The following FAM110B variants were observed in gnomAD, a reference collection of about 807,000 sequenced individuals.
The protein encoded by FAM110B is protein FAM110B.
In FAM110B, 6 loss-of-function variants were observed where a neutral mutation model predicts 20.4. That is an observed-to-expected ratio of 0.29 (90% CI 0.16 to 0.58). The LOEUF (loss-of-function observed/expected upper bound fraction) is 0.58, where lower values mean the gene tolerates loss of function less well. FAM110B is among the 20% of genes least tolerant of loss of function. FAM110B has a pLI of 0.90. For missense variants in FAM110B, 434 were observed against 498.2 expected (o/e 0.87, Z 1.23); for synonymous variants, 226 against 214.1 (o/e 1.06, Z -0.49).
At chr8:58,011,550 A>G (rs1804534255) in intron 1 of FAM110B, among the ~76,000 whole-genome samples, 1 of 152,112 alleles carries the variant, frequency 6.6e-6, no homozygotes, top group Admixed American at 6.5e-5. Context: ...ATGTTTACCC[A>G]CTGTGCACGC....
intron 2 of FAM110B, among the ~76,000 whole-genome samples, chr8:58,060,142 C>T (rs1317525915): frequency 1.3e-5 from 2 of 152,076 alleles, no homozygotes; most frequent in African/African-American, 2.4e-5. Flanking sequence ...CTTTATGGAA[C>T]AATTGAGCTG....
intron 2 of FAM110B, among the ~76,000 whole-genome samples, chr8:58,048,925 G>A (rs894227951): frequency 6.6e-6 from 1 of 152,164 alleles, no homozygotes; most frequent in Non-Finnish European, 1.5e-5. Flanking sequence ...AATAAGAAAT[G>A]GATTATCGTG....
chr8:58,097,686 C>T (rs148340102), intron 3 of FAM110B, among the ~76,000 whole-genome samples: 1,754 of 152,288 alleles, frequency 0.012, 19 homozygotes, highest in South Asian at 0.061. Context: ...ATGGATTTAT[C>T]TACCTTTGGT....
Position 57,994,646 on chromosome 8 carries a change from T to A in FAM110B, c.-672T>A, listed in dbSNP as rs895023788. ...CGTTCCGCCAGCCCCGTCTGCTCTC[T>A]ACCCGCGGCCCCGCGGCGGCGACCG... On this transcript the variant is annotated 5_prime_UTR_variant, in exon 1 of 4. Coordinates refer to ENST00000519262, the MANE Select transcript of FAM110B (RefSeq NM_001377989.1). The A allele has an allele frequency of 1.3e-5, 2 of 152,248 alleles. No homozygotes were observed. Among genetic ancestry groups the A allele is most frequent in the African/African-American group, 4.8e-5 (2 of 41,422 alleles). 9.4% of individuals were successfully genotyped at this position (152,248 alleles called of 1,614,324 possible).
chr8:58,002,093 T>G (rs1585801350), intron 1 of FAM110B, among the ~76,000 whole-genome samples: 1 of 152,128 alleles, frequency 6.6e-6, no homozygotes, highest in African/African-American at 2.4e-5. Context: ...TTTTGTTCCA[T>G]TTGGGCCTTC....
intron 3 of FAM110B, among the ~76,000 whole-genome samples, chr8:58,134,551 A>T (rs1027400026): frequency 6.6e-6 from 1 of 152,236 alleles, no homozygotes; most frequent in Non-Finnish European, 1.5e-5. Context: ...CTGAATGCTT[A>T]ACATTTTAGT....
intron 1 of FAM110B, among the ~76,000 whole-genome samples, chr8:58,002,860 G>A (rs1443496866): frequency 6.6e-6 from 1 of 152,160 alleles, no homozygotes; most frequent in African/African-American, 2.4e-5. Flanking sequence ...GATGGCTGGT[G>A]ACTGATCAGG....
At chr8:58,109,080 C>T (rs1806990289) in intron 3 of FAM110B, among the ~76,000 whole-genome samples, 1 of 152,220 alleles carries the variant, frequency 6.6e-6, no homozygotes, top group African/African-American at 2.4e-5. Context: ...TTACCTCTTA[C>T]AGCACGTCGC....
chr8:58,028,041 T>C (rs570054181), intron 1 of FAM110B, among the ~76,000 whole-genome samples: 2 of 152,382 alleles, frequency 1.3e-5, no homozygotes, highest in South Asian at 2.1e-4. Context: ...AAAGTGCTTG[T>C]AACATTTTGA....
chr8:58,003,014 A>G (rs973857942), intron 1 of FAM110B, among the ~76,000 whole-genome samples: 2 of 152,250 alleles, frequency 1.3e-5, no homozygotes, highest in Non-Finnish European at 2.9e-5. Context: ...TCCCCATAGT[A>G]GAACTTTCAA....
intron 2 of FAM110B, among the ~76,000 whole-genome samples, chr8:58,056,586 A>G (rs1175293340): frequency 1.3e-5 from 2 of 152,218 alleles, no homozygotes; most frequent in African/African-American, 2.4e-5. Context: ...ATTACCCAAG[A>G]TGACATGTTT....
At chr8:58,042,966 C>T (rs890173596) in intron 2 of FAM110B, among the ~76,000 whole-genome samples, 1 of 152,212 alleles carries the variant, frequency 6.6e-6, no homozygotes, top group Non-Finnish European at 1.5e-5. Flanking sequence ...TCTCTCATAG[C>T]ACCAGGAGCA....
At position 58,118,941 on chromosome 8, in the gene FAM110B, T is replaced by C. The variant is rs571332293; in HGVS notation, c.-324-26966T>C. Among the ~76,000 whole-genome samples, 4 of 152,324 alleles carry C rather than the reference T, an allele frequency of 2.6e-5. No homozygotes were observed. The South Asian group carries it at 8.3e-4, about 32-fold the overall frequency. ...TTGTTTTAACATTGCCTACAGACAT[T>C]ATTCTTATATTACTTCAAACATTCA... is the stretch of plus-strand genomic sequence containing the variant. On this transcript the variant is annotated intron_variant, in intron 3 of 3. Transcript: ENST00000519262.
chr8:58,126,242 A>G (rs963249004), intron 3 of FAM110B, among the ~76,000 whole-genome samples: 13 of 152,046 alleles, frequency 8.6e-5, no homozygotes, highest in African/African-American at 2.4e-4. Flanking sequence ...GTTCCTTTTC[A>G]TTGCTGAGTA....
At chr8:58,098,838 T>C (rs2150609129) in intron 3 of FAM110B, 1 of 152,352 alleles carries the variant, frequency 6.6e-6, no homozygotes, top group South Asian at 2.1e-4. Context: ...CTGCTTCTGC[T>C]CGCCCTCCGT....
At chr8:58,111,354 A>G (rs1807054008) in intron 3 of FAM110B, among the ~76,000 whole-genome samples, 1 of 152,222 alleles carries the variant, frequency 6.6e-6, no homozygotes, top group Admixed American at 6.5e-5. Flanking sequence ...GTGAATTTTT[A>G]AAATTTCATT....
At chr8:58,130,066 GCCT>G (rs1288161056) in intron 3 of FAM110B, among the ~76,000 whole-genome samples, 2 of 152,162 alleles carry the variant, frequency 1.3e-5, no homozygotes, top group African/African-American at 2.4e-5. Context: ...ACATTCACCT[GCCT>G]CCTCCTTACA....
intron 1 of FAM110B, among the ~76,000 whole-genome samples, chr8:58,026,460 A>G (rs1804857884): frequency 1.3e-5 from 2 of 152,054 alleles, no homozygotes; most frequent in Admixed American, 1.3e-4. Flanking sequence ...TATTAGTACT[A>G]TGAAATTGTT....
intron 2 of FAM110B, among the ~76,000 whole-genome samples, chr8:58,051,002 C>T (rs1286821819): frequency 1.3e-5 from 2 of 152,208 alleles, no homozygotes; most frequent in Non-Finnish European, 2.9e-5. Flanking sequence ...TTTAACCTTA[C>T]TGTGTTTCTA....
Sources: allele counts gnomAD v4.1 joint callset (sites outside exome capture counted in the v4.1 genomes callset), GRCh38; gene constraint gnomAD v4.1.1; transcripts MANE v1.5; gene names NCBI Gene and HGNC (gene_info 2026-07-23, HGNC 2026-07-21).